CAPZB: variants seen among roughly 807,000 people sequenced by gnomAD.
The protein encoded by CAPZB is capping actin protein of muscle Z-line subunit beta, also known as F-actin-capping protein subunit beta.
In CAPZB, 2 loss-of-function variants were observed where a neutral mutation model predicts 38.1. The observed-to-expected ratio is 0.05, with a 90% CI of 0.02 to 0.17. The LOEUF (loss-of-function observed/expected upper bound fraction) is 0.17. Ranked by LOEUF, CAPZB falls within the 10% of genes least tolerant of loss-of-function variation. CAPZB has a pLI of 1.00. For synonymous variants in CAPZB, 107 were observed against 127.4 expected (o/e 0.84, Z 1.08); for missense variants, 161 against 334.2 (o/e 0.48, Z 4.04).
intron 1 of CAPZB, among the ~76,000 whole-genome samples, chr1:19,472,508 C>T (rs2100783868): frequency 6.6e-6 from 1 of 152,206 alleles, no homozygotes; most frequent in South Asian, 2.1e-4. Flanking sequence ...CAGCTTTATC[C>T]TCATACTATG....
intron 4 of CAPZB, among the ~76,000 whole-genome samples, chr1:19,359,797 T>C (rs1176348326): frequency 6.6e-6 from 1 of 152,306 alleles, no homozygotes; most frequent in East Asian, 1.9e-4. Flanking sequence ...CAGACACACC[T>C]GTGAGGCCCA....
rs111484206 is a variant in CAPZB at position 19,343,367 on chromosome 1, C to T, written c.731+991G>A. Among the ~76,000 whole-genome samples the T allele has an allele frequency of 1.4e-3, 216 of 152,352 alleles. 4 individuals are homozygous for T. The highest frequency in any genetic ancestry group is 9.7e-3 in the South Asian group (47 of 4,828). ...CCCAGTCCACGAGCTGGGGCAGCCC[C>T]GGGACTGCAGCCTGCCTCTCCTCTG... On this transcript the variant is annotated intron_variant, in intron 8 of 8. Coordinates refer to ENST00000264202, the MANE Select transcript of CAPZB (RefSeq NM_004930.5).
At position 19,470,701 on chromosome 1, in the gene CAPZB, C is replaced by A. The variant is rs11590874; in HGVS notation, c.3+14735G>T. 2.3e-3 allele frequency among the ~76,000 whole-genome samples: 355 copies of A among 152,322 alleles called. 1 individual carries two copies. The highest frequency in any genetic ancestry group is 8.3e-3 in the African/African-American group (345 of 41,576). ...TCCATGACACAGCAGAGGCTGAGGGCAAAGGCTTTTAAATTCAGAGCAGCT... is the reference window on the plus strand; with the variant it reads ...TCCATGACACAGCAGAGGCTGAGGGAAAAGGCTTTTAAATTCAGAGCAGCT... On this transcript the variant is annotated intron_variant, in intron 1 of 8. Coordinates refer to ENST00000264202, the MANE Select transcript of CAPZB (RefSeq NM_004930.5).
chr1:19,459,502 T>C (rs2094543709), intron 1 of CAPZB, among the ~76,000 whole-genome samples: 1 of 152,196 alleles, frequency 6.6e-6, no homozygotes, highest in Non-Finnish European at 1.5e-5. Context: ...TACCACGCCT[T>C]GCTCAGCCTC....
chr1:19,373,350 A>G (rs1258291004), intron 4 of CAPZB, among the ~76,000 whole-genome samples: 1 of 152,236 alleles, frequency 6.6e-6, no homozygotes, highest in Non-Finnish European at 1.5e-5. Context: ...TACAAGCCAG[A>G]AAGGCCTGCT....
intron 1 of CAPZB, among the ~76,000 whole-genome samples, chr1:19,468,353 T>A (rs1232077720): frequency 2.0e-5 from 3 of 152,202 alleles, no homozygotes; most frequent in African/African-American, 7.2e-5. Flanking sequence ...TCCCTCCTGA[T>A]GGGGAGAGGG....
chr1:19,360,445 T>C (rs982846675), intron 4 of CAPZB, among the ~76,000 whole-genome samples: 1 of 152,198 alleles, frequency 6.6e-6, no homozygotes, highest in African/African-American at 2.4e-5. Context: ...ATCCTTCCAC[T>C]CCTTCACAGA....
At chr1:19,393,717 G>A (rs887961283) in intron 2 of CAPZB, among the ~76,000 whole-genome samples, 4 of 152,260 alleles carry the variant, frequency 2.6e-5, no homozygotes, top group African/African-American at 9.6e-5. Context: ...CAAGTGCCCG[G>A]TCACGGCAGA....
chr1:19,412,411 T>C (rs1344947059), intron 2 of CAPZB, among the ~76,000 whole-genome samples: 3 of 152,188 alleles, frequency 2.0e-5, no homozygotes, highest in Non-Finnish European at 2.9e-5. Flanking sequence ...TTAAAATGTC[T>C]TGCATGTGGG....
At chr1:19,410,301 G>T (rs1186733124) in intron 2 of CAPZB, among the ~76,000 whole-genome samples, 1 of 152,214 alleles carries the variant, frequency 6.6e-6, no homozygotes, top group African/African-American at 2.4e-5. Context: ...ACAGCAAAAG[G>T]AGATGCCACC....
In CAPZB at chr1:19,403,310, T is replaced by C. The variant is rs575034023; in HGVS notation, c.93+16351A>G. Among the ~76,000 whole-genome samples the C allele has an allele frequency of 2.6e-5, 4 of 152,250 alleles. No individual in the cohort carries two copies. In the South Asian group the frequency reaches 8.3e-4, roughly 32 times the overall value. On this transcript the variant is annotated intron_variant, in intron 2 of 8. Transcript: ENST00000264202. ...CCTCCAAGAGCCAAAGCTCCTAGGATGGAGCAAGTCCAAGAGACAGGAGAA... is the reference window on the plus strand; with the variant it reads ...CCTCCAAGAGCCAAAGCTCCTAGGACGGAGCAAGTCCAAGAGACAGGAGAA...
At chr1:19,395,896 G>GCTTCTC (rs2094265169) in intron 2 of CAPZB, among the ~76,000 whole-genome samples, 2 of 152,234 alleles carry the variant, frequency 1.3e-5, no homozygotes, top group Non-Finnish European at 2.9e-5. Context: ...GGCAGGAGAA[G>GCTTCTC]CTGCCGCCTA....
At chr1:19,473,871 A>G (rs1041056921) in intron 1 of CAPZB, among the ~76,000 whole-genome samples, 4 of 152,226 alleles carry the variant, frequency 2.6e-5, no homozygotes, top group African/African-American at 7.2e-5. Context: ...TCTTAAAAAA[A>G]AGAGAGAGAT....
intron 1 of CAPZB, among the ~76,000 whole-genome samples, chr1:19,483,188 AAATAC>A (rs1301578579): frequency 2.0e-5 from 3 of 151,204 alleles, no homozygotes. Flanking sequence ...AAAGGATCTA[AAATAC>A]AATACATGGG....
intron 1 of CAPZB, among the ~76,000 whole-genome samples, chr1:19,455,455 C>T (rs12049394): frequency 0.3 from 46,171 of 152,088 alleles, 7,591 homozygotes; most frequent in Middle Eastern, 0.42. Flanking sequence ...GCCTCCCTTG[C>T]TGGTCCCCAC....
intron 1 of CAPZB, among the ~76,000 whole-genome samples, chr1:19,422,366 G>T (rs4911991): frequency 1 from 151,905 of 152,320 alleles, 75,746 homozygotes; most frequent in Middle Eastern, 1. Flanking sequence ...AGCCCTGGGC[G>T]AAAAATAATT....
At chr1:19,371,237 C>T (rs1173548905) in intron 4 of CAPZB, among the ~76,000 whole-genome samples, 2 of 152,104 alleles carry the variant, frequency 1.3e-5, no homozygotes, top group South Asian at 2.1e-4. Context: ...ACGGCCTTCT[C>T]GCATGATCAC....
At chr1:19,407,162 G>T (rs942719329) in intron 2 of CAPZB, among the ~76,000 whole-genome samples, 1 of 152,204 alleles carries the variant, frequency 6.6e-6, no homozygotes, top group South Asian at 2.1e-4. Flanking sequence ...GCATATAAAG[G>T]TGTGGTAGGG....
chr1:19,458,809 GGA>G (rs1233449962), intron 1 of CAPZB, among the ~76,000 whole-genome samples: 1 of 152,224 alleles, frequency 6.6e-6, no homozygotes, highest in African/African-American at 2.4e-5. Context: ...AATCCAAAAA[GGA>G]GAGAAATCCT....
Sources: gnomAD v4.1 joint callset for allele counts (sites outside exome capture counted in the v4.1 genomes callset) on GRCh38, gnomAD v4.1.1 for gene constraint, MANE v1.5 for transcripts, NCBI Gene and HGNC (gene_info 2026-07-23, HGNC 2026-07-21) for gene names.